TTLL8: variants seen among roughly 807,000 people sequenced by gnomAD.
The protein encoded by TTLL8 is protein monoglycylase TTLL8.
A neutral mutation model predicts 77.8 loss-of-function variants in TTLL8; 65 were observed. The ratio of observed to expected loss-of-function variants is 0.84; its 90% CI spans 0.68 to 1.03. The LOEUF (loss-of-function observed/expected upper bound fraction) is 1.03. Ranked by LOEUF, TTLL8 falls within the 50% of genes least tolerant of loss-of-function variation. The probability of loss-of-function intolerance (pLI) is 0.00; values close to 1 mark genes in which losing one functional copy is unlikely to be tolerated. For missense variants in TTLL8, 910 were observed against 1,004.5 expected, an observed-to-expected ratio of 0.91 and a Z score of 1.27; for synonymous variants, 402 against 422.8, an observed-to-expected ratio of 0.95 and a Z score of 0.60.
At chr22:50,027,753 C>T (rs545570863) in intron 12 of TTLL8, 10 of 985,334 alleles carry the variant, frequency 1.0e-5, no homozygotes, top group South Asian at 4.7e-5. Flanking sequence ...CTGACTGTCA[C>T]GGAACAAACA....
chr22:50,034,299 G>C lies in TTLL8; in HGVS notation c.1039+46C>G, dbSNP rs771918529. 5 of 1,335,146 alleles carry C rather than the reference G, an allele frequency of 3.7e-6. No individual in the cohort carries two copies. In the East Asian group the frequency reaches 2.3e-4, roughly 62 times the overall value. The allele number at this position is 1,335,146 out of a possible 1,614,324, so 82.7% of individuals were successfully genotyped here. ...CCTCACTCACGGCTCCTGGCATCAA[G>C]TGTGGCCGTTGGTGGCTATGAACGC... On this transcript the variant is annotated intron_variant, in intron 9 of 13. Transcript: ENST00000266182. This position sits in a 1 kb window ranked among gnomAD's most constrained non-coding sequence, Gnocchi z 4.1.
chr22:50,041,061 C>T lies in TTLL8; in HGVS notation c.921+126G>A, dbSNP rs1221410446. 4 of 333,958 alleles carry T rather than the reference C, an allele frequency of 1.2e-5. No homozygotes were observed. Among genetic ancestry groups the T allele is most frequent in the Admixed American group, 4.4e-5 (1 of 22,902 alleles). The allele number at this position is 333,958 out of a possible 1,614,324, so 20.7% of individuals were successfully genotyped here. On this transcript the variant is annotated intron_variant, in intron 8 of 13. Coordinates refer to ENST00000266182, the Ensembl canonical transcript of TTLL8. This position sits in a 1 kb window ranked among gnomAD's most constrained non-coding sequence, Gnocchi z 4.3. ...ATTCACCAGCTGCCAAGCTCTGGGC[C>T]TCGGCACACCTCTGCCAGTCACTCG...
intron 2 of TTLL8, among the ~76,000 whole-genome samples, chr22:50,049,813 G>A (rs887003409): frequency 6.6e-6 from 1 of 152,148 alleles, no homozygotes; most frequent in Admixed American, 6.5e-5. Flanking sequence ...GCTGGAGGAG[G>A]GACAGCTGAG....
intron 12 of TTLL8, among the ~76,000 whole-genome samples, chr22:50,020,512 C>A (rs1416227374): frequency 6.8e-6 from 1 of 147,302 alleles, no homozygotes; most frequent in East Asian, 2.1e-4. Context: ...CATCTGACAA[C>A]ATGCACTCCT....
At chr22:50,023,938 T>G (rs2061218267) in intron 12 of TTLL8, among the ~76,000 whole-genome samples, 1 of 151,888 alleles carries the variant, frequency 6.6e-6, no homozygotes. Flanking sequence ...GAGAATCACT[T>G]GAACTCAGGA....
At position 50,034,719 on chromosome 22, in the gene TTLL8, C is replaced by G. The variant is rs1174738495; in HGVS notation, c.922-257G>C. Among the ~76,000 whole-genome samples the G allele has an allele frequency of 2.0e-5, 3 of 152,098 alleles. No individual in the cohort carries two copies. In the East Asian group the frequency reaches 5.8e-4, roughly 29 times the overall value. The stretch of plus-strand genomic sequence containing the variant: ...AGGGCTGTGTTAAGACAGTGGGGAC[C>G]CCGGTGTGTGGGTCGGAGCTGGCCA... On this transcript the variant is annotated intron_variant, in intron 8 of 13. Transcript: ENST00000266182. This position sits in a 1 kb window ranked among gnomAD's most constrained non-coding sequence, Gnocchi z 4.1.
Position 50,041,363 on chromosome 22 carries a change from C to T in TTLL8, c.831-86G>A, listed in dbSNP as rs1440285274. 9 of 669,648 alleles carry T rather than the reference C, an allele frequency of 1.3e-5. No individual in the cohort carries two copies. The highest frequency in any genetic ancestry group is 5.6e-5 in the East Asian group (1 of 17,944). The allele number at this position is 669,648 out of a possible 1,614,324, so 41.5% of individuals were successfully genotyped here. A position where few individuals can be genotyped will look rare whatever the true frequency, so the allele number is the denominator to read the frequency against. ...CCTGGGCACCCCGACACCCATAAGG[C>T]ACCCCAAGATCCAGACAGACACCCC... On this transcript the variant is annotated intron_variant, in intron 7 of 13. Transcript: ENST00000266182. The surrounding 1 kb of genome is among the most constrained non-coding windows in gnomAD (Gnocchi z 4.3).
At chr22:50,023,816 C>T (rs768938565) in intron 12 of TTLL8, among the ~76,000 whole-genome samples, 10 of 152,080 alleles carry the variant, frequency 6.6e-5, no homozygotes, top group Non-Finnish European at 8.8e-5. Flanking sequence ...GTCAGGAGTT[C>T]GAGACCAGCC....
chr22:50,049,549 C>T (rs2061432130), intron 2 of TTLL8, among the ~76,000 whole-genome samples: 1 of 152,188 alleles, frequency 6.6e-6, no homozygotes, highest in Non-Finnish European at 1.5e-5. Context: ...CAGCACCTCC[C>T]CAGGGCTGTG....
exon 10 of TTLL8, chr22:50,033,271 G>A: frequency 2.2e-6 from 3 of 1,361,840 alleles, no homozygotes; most frequent in Non-Finnish European, 2.9e-6. Context: ...GAACCAGATG[G>A]TCAGGGGGTT....
chr22:50,038,554 G>A (rs1423325921), intron 8 of TTLL8, among the ~76,000 whole-genome samples: 3 of 152,328 alleles, frequency 2.0e-5, no homozygotes, highest in African/African-American at 4.8e-5. Context: ...AGTCACGCCT[G>A]TAATGCTAGC....
At chr22:50,057,974 C>A (rs1325023156), upstream of TTLL8, among the ~76,000 whole-genome samples, 6 of 150,306 alleles carry the variant, frequency 4.0e-5, no homozygotes, top group Admixed American at 1.3e-4. Flanking sequence ...CTAGGCGGGT[C>A]TGGGATTCCT....
rs1601902210 is a variant in TTLL8, at chr22:50,021,042, ATGTGCACT to A, written c.2204-4488_2204-4481del. On this transcript the variant is annotated intron_variant, in intron 12 of 13. Transcript: ENST00000266182. ...CTGACAACGTGCATTCCTCCATCTGATGTGCACTCCTCCATCTGACCTGCACTCCTCCA... is the reference window on the plus strand; with the variant it reads ...CTGACAACGTGCATTCCTCCATCTGACCTCCATCTGACCTGCACTCCTCCA... Among the ~76,000 whole-genome samples, 8 of 93,690 alleles carry A rather than the reference ATGTGCACT, an allele frequency of 8.5e-5. No individual in the cohort carries two copies. In the East Asian group the frequency reaches 2.1e-3, roughly 25 times the overall value. 61.5% of individuals were successfully genotyped at this position (93,690 alleles called of 152,430 possible).
At chr22:50,030,465 G>A (rs199984010) in exon 12 of TTLL8, 3 of 1,343,520 alleles carry the variant, frequency 2.2e-6, no homozygotes, top group East Asian at 4.9e-5. Flanking sequence ...CGCGCCCTCT[G>A]CTGTCTTCAG....
chr22:50,035,116 T>C (rs915663428), intron 8 of TTLL8, among the ~76,000 whole-genome samples: 9 of 151,722 alleles, frequency 5.9e-5, no homozygotes, highest in African/African-American at 1.5e-4. Flanking sequence ...CCCGGATGGA[T>C]TGGGGGGAAG....
chr22:50,057,777 A>C (rs1601946231), upstream of TTLL8, among the ~76,000 whole-genome samples: 1 of 99,848 alleles, frequency 1.0e-5, no homozygotes, highest in African/African-American at 4.2e-5. Context: ...GTCGAGGGGG[A>C]GGTCTGGGTT....
chr22:50,041,344 C>T lies in TTLL8; in HGVS notation c.831-67G>A. 1 of 555,448 alleles carries T rather than the reference C, an allele frequency of 1.8e-6. No homozygotes were observed. Among genetic ancestry groups the T allele is most frequent in the Non-Finnish European group, 3.3e-6 (1 of 305,828 alleles). 34.4% of individuals were successfully genotyped at this position (555,448 alleles called of 1,614,324 possible). Reference sequence around the variant, plus strand: ...TGGGACAGGCAACAGAGGGCCTGGGCACCCCGACACCCATAAGGCACCCCA... The same window carrying T: ...TGGGACAGGCAACAGAGGGCCTGGGTACCCCGACACCCATAAGGCACCCCA... On this transcript the variant is annotated intron_variant, in intron 7 of 13. Transcript: ENST00000266182. This position sits in a 1 kb window ranked among gnomAD's most constrained non-coding sequence, Gnocchi z 4.3.
upstream of TTLL8, chr22:50,056,979 G>A (rs1314847870): frequency 4.7e-6 from 6 of 1,289,372 alleles, no homozygotes; most frequent in Non-Finnish European, 6.1e-6. The surrounding 1 kb of genome is among the most constrained non-coding windows in gnomAD (Gnocchi z 4.1). Flanking sequence ...GACCCCTAGA[G>A]GAGAGGGTGT....
rs528720731 is a variant in TTLL8, at chr22:50,044,850, C to T, written c.643+405G>A. 6.6e-6 allele frequency among the ~76,000 whole-genome samples: 1 copy of T among 152,286 alleles called. No individual in the cohort carries two copies. Among genetic ancestry groups the T allele is most frequent in the Admixed American group, 6.5e-5 (1 of 15,296 alleles). ...CGACGGCTGGTTCACATCCCTGTAC[C>T]ACCCAGGGGCGCCTCTCCCCTGGGC... On this transcript the variant is annotated intron_variant, in intron 6 of 13. Transcript: ENST00000266182. The surrounding 1 kb of genome is among the most constrained non-coding windows in gnomAD (Gnocchi z 4.2).
Sources: allele counts gnomAD v4.1 joint callset (sites outside exome capture counted in the v4.1 genomes callset), GRCh38; gene constraint gnomAD v4.1.1; non-coding constraint Gnocchi (gnomAD v3.1); transcripts MANE v1.5; gene names NCBI Gene and HGNC (gene_info 2026-07-23, HGNC 2026-07-21).